Variants in GSE1 observed in about 807,000 individuals in gnomAD.
GSE1 encodes the protein genetic suppressor element 1.
Under a neutral mutation model 112.6 loss-of-function variants are expected in GSE1, and 32 were observed. That is an observed-to-expected ratio of 0.28 (90% confidence interval 0.21 to 0.38). GSE1 has a LOEUF of 0.38. Ranked by LOEUF, GSE1 falls within the 10% of genes least tolerant of loss-of-function variation. GSE1 has a pLI of 1.00. For synonymous variants in GSE1, 1,115 were observed against 735.6 expected (o/e 1.52, Z -8.35); for missense variants, 2,348 against 1,699.2 (o/e 1.38, Z -6.71).
chr16:85,420,960 G>C lies in GSE1; in HGVS notation c.2464+63317G>C, dbSNP rs1212035197. On this transcript the variant is annotated intron_variant, in intron 2 of 2. Transcript: ENST00000637419. ...GCAGGGGGCGCGCTGCAGTCGGGCT[G>C]CAGCGTCTGCGCCGCCACCGCCTGT... 2.0e-5 allele frequency among the ~76,000 whole-genome samples: 3 copies of C among 152,194 alleles called. No homozygotes were observed. The East Asian group carries it at 5.8e-4, about 29-fold the overall frequency.
chr16:85,296,637 A>C (rs1025566316), intron 1 of GSE1, among the ~76,000 whole-genome samples: 4 of 152,086 alleles, frequency 2.6e-5, no homozygotes, highest in African/African-American at 9.7e-5. Context: ...ACAAACAAAC[A>C]AAAAGTGTGC....
intron 1 of GSE1, among the ~76,000 whole-genome samples, chr16:85,304,601 CGGGGGGGTG>C (rs1278698526): frequency 6.4e-5 from 5 of 78,180 alleles, no homozygotes; most frequent in Admixed American, 1.9e-4. Context: ...AAGCCGGGGG[CGGGGGGGTG>C]GGGCATCCCT....
At chr16:85,637,777 C>G (rs2050125420) in intron 2 of GSE1, among the ~76,000 whole-genome samples, 1 of 150,986 alleles carries the variant, frequency 6.6e-6, no homozygotes, top group Non-Finnish European at 1.5e-5. Flanking sequence ...CTGTGAAAGC[C>G]ACACCTGCCG....
intron 2 of GSE1, among the ~76,000 whole-genome samples, chr16:85,422,550 G>C (rs1162671126): frequency 1.3e-5 from 2 of 151,274 alleles, no homozygotes; most frequent in South Asian, 2.1e-4. Context: ...TCACGGAGCA[G>C]CCACTGTGGG....
chr16:85,656,318 C>A (rs1327070006), intron 6 of GSE1, 25 bp from the exon 7 acceptor site: 2 of 1,609,380 alleles, frequency 1.2e-6, no homozygotes, highest in Non-Finnish European at 1.7e-6. Context: ...GCAGCAGAGC[C>A]CCCAACTCTT....
rs962585975 is a variant in GSE1, at chr16:85,343,242, G to A, written c.2284-14221G>A. On this transcript the variant is annotated intron_variant, in intron 1 of 2. Coordinates refer to the GSE1 transcript ENST00000637419. ...CCAGAGGACCGCGCTGAACGGGAAG[G>A]CCAGCCCCAAAGGACCGAGCACTGT... Among the ~76,000 whole-genome samples the A allele has an allele frequency of 2.6e-5, 4 of 152,202 alleles. No individual in the cohort carries two copies. The East Asian group carries it at 7.7e-4, about 29-fold the overall frequency.
chr16:85,279,571 G>A (rs576675789), intron 1 of GSE1, among the ~76,000 whole-genome samples: 70 of 152,312 alleles, frequency 4.6e-4, no homozygotes, highest in African/African-American at 1.6e-3. Context: ...ACTCCAGCCT[G>A]GGTGGCAGAG....
intron 2 of GSE1, among the ~76,000 whole-genome samples, chr16:85,478,924 T>TC (rs2050577736): frequency 2.0e-5 from 1 of 50,906 alleles, no homozygotes; most frequent in African/African-American, 1.2e-4. Context: ...TCTTTCTTTC[T>TC]TTCTCTTTCT....
At chr16:85,297,184 C>T (rs892117955) in intron 1 of GSE1, among the ~76,000 whole-genome samples, 6 of 152,230 alleles carry the variant, frequency 3.9e-5, no homozygotes, top group Non-Finnish European at 5.9e-5. Flanking sequence ...GCTTCCTCTT[C>T]CCTCCCTCCA....
At chr16:85,424,874 A>G (rs897862281) in intron 2 of GSE1, among the ~76,000 whole-genome samples, 3 of 152,266 alleles carry the variant, frequency 2.0e-5, no homozygotes, top group Non-Finnish European at 2.9e-5. Flanking sequence ...TGGAAAAATC[A>G]TCACCCCACG....
chr16:85,661,595 C>T lies in GSE1; in HGVS notation c.2090C>T (p.Ala697Val). ...CAGCGGGCCTCCCTCCCACAGGCGG[C>T]CACCTTCGGGGAGCTCAGCGGACCC... ...GQQRASLPQA[A>V]TFGELSGPLK... Residue 697 changes from alanine (A) to valine (V), a missense_variant, in exon 9 of 16, where the codon GCC becomes GTC. Ala to Val is a moderately conservative substitution (Grantham distance 64, BLOSUM62 0). Coordinates refer to ENST00000253458, the MANE Select transcript of GSE1 (RefSeq NM_014615.5). The T allele has an allele frequency of 6.2e-7, 1 of 1,610,220 alleles. No individual in the cohort carries two copies. Among genetic ancestry groups the T allele is most frequent in the Non-Finnish European group, 8.5e-7 (1 of 1,179,028 alleles).
chr16:85,639,605 CG>C (rs2050277161), intron 2 of GSE1, among the ~76,000 whole-genome samples: 1 of 152,244 alleles, frequency 6.6e-6, no homozygotes, highest in Non-Finnish European at 1.5e-5. Context: ...GAGGGTGCCC[CG>C]GGAACGCCTG....
chr16:85,561,564 G>A (rs1022863533), intron 1 of GSE1, among the ~76,000 whole-genome samples: 1 of 152,188 alleles, frequency 6.6e-6, no homozygotes. Context: ...GGCTGCCCTC[G>A]GCCCTCCAGG....
chr16:85,251,518 G>A (rs1378870382), intron 1 of GSE1, among the ~76,000 whole-genome samples: 1 of 152,238 alleles, frequency 6.6e-6, no homozygotes, highest in Non-Finnish European at 1.5e-5. Context: ...CCAGGCCGGG[G>A]CTCGAACCCT....
chr16:85,255,642 A>G (rs1167727166), intron 1 of GSE1, among the ~76,000 whole-genome samples: 1 of 151,922 alleles, frequency 6.6e-6, no homozygotes, highest in Non-Finnish European at 1.5e-5. Context: ...TGACCTCGTG[A>G]TCTGCCTGCC....
At chr16:85,176,520 C>A (rs777830791) in intron 1 of GSE1, among the ~76,000 whole-genome samples, 2 of 152,264 alleles carry the variant, frequency 1.3e-5, no homozygotes, top group African/African-American at 4.8e-5. Context: ...CACCTTCCTT[C>A]TGTTGCTGGG....
chr16:85,329,130 GC>G (rs2046287182), intron 1 of GSE1, among the ~76,000 whole-genome samples: 1 of 152,048 alleles, frequency 6.6e-6, no homozygotes, highest in Admixed American at 6.6e-5. Flanking sequence ...AGCTCCCTGG[GC>G]CCCCCAGAAA....
At chr16:85,635,771 A>G (rs2049944355) in intron 2 of GSE1, among the ~76,000 whole-genome samples, 1 of 152,178 alleles carries the variant, frequency 6.6e-6, no homozygotes, top group Non-Finnish European at 1.5e-5. Flanking sequence ...TTCATCCAGC[A>G]GCTGTGTCTG....
chr16:85,666,429 CG>C, intron 13 of GSE1, 82 bp downstream of exon 13: 1 of 1,373,974 alleles, frequency 7.3e-7, no homozygotes, highest in Admixed American at 1.8e-5. Context: ...GCTGCTCAGC[CG>C]TTCAGCCGTG....
Sources: allele counts gnomAD v4.1 joint callset (sites outside exome capture counted in the v4.1 genomes callset), GRCh38; gene constraint gnomAD v4.1.1; transcripts MANE v1.5; gene names NCBI Gene and HGNC (gene_info 2026-07-23, HGNC 2026-07-21).